Variants in SPMIP3 observed in about 807,000 individuals in gnomAD.
The protein encoded by SPMIP3 is sperm microtubule inner protein 3.
chr1:244,373,540 C>G, the SPMIP3 span, among the ~76,000 whole-genome samples: 1 of 150,888 alleles, frequency 6.6e-6, no homozygotes, highest in East Asian at 2.0e-4. Flanking sequence ...CACAAAGATT[C>G]CTATCACCTC....
At chr1:244,360,546 ACACACACACACATGCATG>A in the SPMIP3 span, among the ~76,000 whole-genome samples, 118 of 60,578 alleles carry the variant, frequency 1.9e-3, 3 homozygotes, top group East Asian at 0.013. Context: ...ACACACACAC[ACACACACACACATGCATG>A]CATGGAATAT....
At chr1:244,370,102 C>G in the SPMIP3 span, among the ~76,000 whole-genome samples, 72,877 of 152,054 alleles carry the variant, frequency 0.48, 18,579 homozygotes, top group Middle Eastern at 0.59. Context: ...GAAATTCCGC[C>G]GAGGACTCTG....
the SPMIP3 span, chr1:244,364,777 C>G: frequency 6.2e-7 from 1 of 1,613,454 alleles, no homozygotes; most frequent in Non-Finnish European, 8.5e-7. Context: ...TCCAGATGCA[C>G]AGCCTCCGGG....
chr1:244,381,178 T>G, the SPMIP3 span, among the ~76,000 whole-genome samples: 1 of 151,708 alleles, frequency 6.6e-6, no homozygotes, highest in Non-Finnish European at 1.5e-5. Flanking sequence ...GCAGTAGAAG[T>G]TGCTGGGGGC....
At chr1:244,358,613 ATGTG>A in the SPMIP3 span, among the ~76,000 whole-genome samples, 3 of 149,364 alleles carry the variant, frequency 2.0e-5, no homozygotes, top group Admixed American at 6.7e-5. Context: ...ATGTATGTGT[ATGTG>A]TGTGTGTGTA....
At chr1:244,372,108 T>C in the SPMIP3 span, among the ~76,000 whole-genome samples, 1 of 152,184 alleles carries the variant, frequency 6.6e-6, no homozygotes, top group Admixed American at 6.5e-5. Flanking sequence ...ATTCTGTCCA[T>C]GTCTTGGCCC....
At chr1:244,374,058 A>C in the SPMIP3 span, among the ~76,000 whole-genome samples, 1 of 152,122 alleles carries the variant, frequency 6.6e-6, no homozygotes, top group African/African-American at 2.4e-5. Context: ...GGTTGCAGTG[A>C]GCTGAGATTG....
At chr1:244,367,898 C>G in the SPMIP3 span, among the ~76,000 whole-genome samples, 1 of 152,192 alleles carries the variant, frequency 6.6e-6, no homozygotes, top group African/African-American at 2.4e-5. Context: ...ATTCCTCTCT[C>G]CCCTGCTTCC....
At chr1:244,369,158 C>CA in the SPMIP3 span, among the ~76,000 whole-genome samples, 2,943 of 146,914 alleles carry the variant, frequency 0.02, 28 homozygotes, top group Middle Eastern at 0.05. Flanking sequence ...GACTCCGTCT[C>CA]AAAAAAAAAA....
the SPMIP3 span, among the ~76,000 whole-genome samples, chr1:244,384,617 G>T: frequency 6.6e-5 from 10 of 152,180 alleles, no homozygotes; most frequent in African/African-American, 2.2e-4. Flanking sequence ...GGCAAAGTGG[G>T]GGTCCCAGGC....
the SPMIP3 span, among the ~76,000 whole-genome samples, chr1:244,377,346 G>A: frequency 1.3e-5 from 2 of 150,732 alleles, no homozygotes; most frequent in African/African-American, 2.4e-5. Context: ...GGATGGTCTC[G>A]ATCTGACTTC....
the SPMIP3 span, among the ~76,000 whole-genome samples, chr1:244,358,632 TA>T: frequency 3.3e-5 from 5 of 151,712 alleles, no homozygotes; most frequent in South Asian, 1.0e-3. Context: ...TGTGTATATA[TA>T]TATATACACA....
chr1:244,375,717 T>C, the SPMIP3 span, among the ~76,000 whole-genome samples: 1 of 151,876 alleles, frequency 6.6e-6, no homozygotes, highest in African/African-American at 2.4e-5. Flanking sequence ...CAGGCTGGAG[T>C]GCAGTGGCGA....
the SPMIP3 span, among the ~76,000 whole-genome samples, chr1:244,373,455 A>T: frequency 6.7e-6 from 1 of 149,840 alleles, no homozygotes; most frequent in African/African-American, 2.5e-5. Flanking sequence ...GTGAGCTATG[A>T]TCACACTGCA....
chr1:244,378,757 C>T, the SPMIP3 span: 1 of 1,118,358 alleles, frequency 8.9e-7, no homozygotes, highest in Middle Eastern at 2.1e-4. Context: ...GAGTTGGAGG[C>T]ATGGATATGT....
chr1:244,364,687 GA>G, the SPMIP3 span: 1 of 1,613,448 alleles, frequency 6.2e-7, no homozygotes, highest in Non-Finnish European at 8.5e-7. Context: ...TTTTTTTTCA[GA>G]TTCCCATCCA....
the SPMIP3 span, chr1:244,389,139 G>C: frequency 8.7e-7 from 1 of 1,147,868 alleles, no homozygotes; most frequent in Non-Finnish European, 1.3e-6. Context: ...AATGGCAGCA[G>C]AACTACTTTC....
At chr1:244,356,248 G>A in the SPMIP3 span, among the ~76,000 whole-genome samples, 29 of 152,302 alleles carry the variant, frequency 1.9e-4, no homozygotes, top group African/African-American at 4.6e-4. Flanking sequence ...CATTATGTAC[G>A]ATGCTAGCTG....
the SPMIP3 span, among the ~76,000 whole-genome samples, chr1:244,354,359 T>C: frequency 1.3e-5 from 2 of 149,686 alleles, no homozygotes; most frequent in East Asian, 3.9e-4. Context: ...CTTTGATTTT[T>C]TTTTTTTTTT....
Sources: gnomAD v4.1 joint callset for allele counts (sites outside exome capture counted in the v4.1 genomes callset) on GRCh38, gnomAD v4.1.1 for gene constraint, MANE v1.5 for transcripts, NCBI Gene and HGNC (gene_info 2026-07-23, HGNC 2026-07-21) for gene names.